The following NOSTRIN variants were observed in gnomAD, a reference collection of about 807,000 sequenced individuals.
NOSTRIN encodes BM247 homolog.
A neutral mutation model predicts 59.0 loss-of-function variants in NOSTRIN; 63 were observed. That is an observed-to-expected ratio of 1.07 (90% CI 0.87 to 1.32). The LOEUF (loss-of-function observed/expected upper bound fraction) is 1.32. NOSTRIN is among the 40% of genes most tolerant of loss of function. NOSTRIN has a pLI of 0.00. For missense variants in NOSTRIN, 512 were observed against 473.1 expected, an observed-to-expected ratio of 1.08 and a Z score of -0.76; for synonymous variants, 200 against 165.4, an observed-to-expected ratio of 1.21 and a Z score of -1.61.
chr2:168,819,489 T>C (rs1252788173), intron 2 of NOSTRIN, among the ~76,000 whole-genome samples: 1 of 152,204 alleles, frequency 6.6e-6, no homozygotes, highest in Admixed American at 6.5e-5. Flanking sequence ...GGAGCGATTC[T>C]CTCAGGGGAA....
intron 15 of NOSTRIN, 116 bp from the exon 16 acceptor site, chr2:168,864,718 G>T: frequency 8.2e-7 from 1 of 1,226,566 alleles, no homozygotes; most frequent in South Asian, 1.5e-5. Context: ...ATCAAGTGCA[G>T]AAAATGACAC....
chr2:168,836,138 C>T (rs978722871), intron 7 of NOSTRIN, among the ~76,000 whole-genome samples: 5 of 152,226 alleles, frequency 3.3e-5, no homozygotes, highest in African/African-American at 1.2e-4. Flanking sequence ...CTTTCCATGT[C>T]AGTCTTCACA....
At position 168,843,758 on chromosome 2, in the gene NOSTRIN, G is replaced by C. The variant is rs553704972; in HGVS notation, c.630+641G>C. Among the ~76,000 whole-genome samples the C allele has an allele frequency of 9.2e-5, 14 of 152,302 alleles. No homozygotes were observed. The South Asian group carries it at 2.9e-3, about 32-fold the overall frequency. ...AGGATGTTAGGAAACAAGAATTATTGTACCCCTGTAGGGGGAATAATTTAA... is the reference window on the plus strand; with the variant it reads ...AGGATGTTAGGAAACAAGAATTATTCTACCCCTGTAGGGGGAATAATTTAA... On this transcript the variant is annotated intron_variant, in intron 8 of 15. Transcript: ENST00000317647.
chr2:168,801,740 A>T (rs1444968162), upstream of NOSTRIN, among the ~76,000 whole-genome samples: 2 of 152,222 alleles, frequency 1.3e-5, no homozygotes. Context: ...TAGGCCATTC[A>T]TTGGAAATCT....
chr2:168,794,508 C>T (rs967057446), upstream of NOSTRIN, among the ~76,000 whole-genome samples: 17 of 152,014 alleles, frequency 1.1e-4, no homozygotes, highest in Non-Finnish European at 1.9e-4. Flanking sequence ...CCCGCCACCG[C>T]GCCTGGCTAA....
chr2:168,821,513 T>C (rs1451630019), intron 2 of NOSTRIN, among the ~76,000 whole-genome samples: 1 of 152,226 alleles, frequency 6.6e-6, no homozygotes, highest in Non-Finnish European at 1.5e-5. Context: ...GATATAGCAA[T>C]GAACAAAGCC....
At position 168,865,219 on chromosome 2, in the gene NOSTRIN, G is replaced by C. The variant is rs1228149541; in HGVS notation, c.*249G>C. On this transcript the variant is annotated 3_prime_UTR_variant, in exon 16 of 16. Coordinates refer to ENST00000317647, the MANE Select transcript of NOSTRIN (RefSeq NM_001039724.4). ...AGTTTCCAAATTCTAGGAGACCCTAGAGATGATCCAGTATAACCCCTGGTG... is the reference window on the plus strand; with the variant it reads ...AGTTTCCAAATTCTAGGAGACCCTACAGATGATCCAGTATAACCCCTGGTG... 2.2e-6 allele frequency: 1 copy of C among 449,046 alleles called. No individual in the cohort carries two copies. The highest frequency in any genetic ancestry group is 4.0e-6 in the Non-Finnish European group (1 of 251,122). The allele number at this position is 449,046 out of a possible 1,614,324, so 27.8% of individuals were successfully genotyped here. A position where few individuals can be genotyped will look rare whatever the true frequency, so the allele number is the denominator to read the frequency against.
intron 1 of NOSTRIN, among the ~76,000 whole-genome samples, chr2:168,810,540 C>G (rs1395422541): frequency 6.6e-6 from 1 of 152,128 alleles, no homozygotes; most frequent in Non-Finnish European, 1.5e-5. Context: ...AGGAGGCACT[C>G]AGTAAATGTG....
chr2:168,816,950 C>T (rs1686437300), intron 2 of NOSTRIN, among the ~76,000 whole-genome samples: 1 of 152,028 alleles, frequency 6.6e-6, no homozygotes. Context: ...GTGGGTATGT[C>T]AAAAACATTT....
At chr2:168,858,712 A>G (rs1226970816) in intron 12 of NOSTRIN, among the ~76,000 whole-genome samples, 1 of 152,212 alleles carries the variant, frequency 6.6e-6, no homozygotes, top group East Asian at 1.9e-4. Context: ...GACTTTCTCC[A>G]TCAATTGGAT....
rs903912024 is a variant in NOSTRIN at position 168,859,677 on chromosome 2, CCTG to C, written c.1179+44_1179+46del. On this transcript the variant is annotated intron_variant, in intron 13 of 15. Coordinates refer to ENST00000317647, the MANE Select transcript of NOSTRIN (RefSeq NM_001039724.4). ...GACTGGTTGTAATTTCTTGATTGGGCCTGCTGGGTGGAGTGGCTTAAAGTAGCA... is the reference window on the plus strand; with the variant it reads ...GACTGGTTGTAATTTCTTGATTGGGCCTGGGTGGAGTGGCTTAAAGTAGCA... 2.5e-6 allele frequency: 4 copies of C among 1,607,370 alleles called. No individual in the cohort carries two copies. In the African/African-American group the frequency reaches 5.4e-5, roughly 22 times the overall value.
upstream of NOSTRIN, among the ~76,000 whole-genome samples, chr2:168,800,524 T>C (rs1685584063): frequency 6.6e-6 from 1 of 152,098 alleles, no homozygotes; most frequent in South Asian, 2.1e-4. Flanking sequence ...AGGATTTTAA[T>C]TCAGCAGATG....
intron 11 of NOSTRIN, chr2:168,856,466 T>C (rs1323865155): frequency 5.7e-6 from 3 of 526,404 alleles, no homozygotes; most frequent in Non-Finnish European, 1.0e-5. Flanking sequence ...TCCCAGCTAC[T>C]CAAGAGGCTG....
chr2:168,838,788 T>C (rs995494655), intron 7 of NOSTRIN, among the ~76,000 whole-genome samples: 2 of 102,492 alleles, frequency 2.0e-5, no homozygotes, highest in South Asian at 4.2e-4. Context: ...TAAAAAAAAC[T>C]CTTTTTTTTT....
At chr2:168,789,203 A>G (rs997648409) in intron 2 of NOSTRIN, among the ~76,000 whole-genome samples, 1 of 152,246 alleles carries the variant, frequency 6.6e-6, no homozygotes, top group Non-Finnish European at 1.5e-5. Flanking sequence ...ACATAGAACC[A>G]ACTAAAATCT....
At position 168,851,194 on chromosome 2, in the gene NOSTRIN, T is replaced by A; in HGVS notation, c.729+12T>A. The A allele has an allele frequency of 6.2e-7, 1 of 1,614,214 alleles. No individual in the cohort carries two copies. Among genetic ancestry groups the A allele is most frequent in the Non-Finnish European group, 8.5e-7 (1 of 1,180,016 alleles). ...AAACCCTGACCACAGTGAGTAGAGA[T>A]GATCTCTCCATTTCTGGTATGCCTG... On this transcript the variant is annotated intron_variant, in intron 9 of 15. Coordinates refer to ENST00000317647, the MANE Select transcript of NOSTRIN (RefSeq NM_001039724.4).
chr2:168,865,266 A>C lies in NOSTRIN; in HGVS notation c.*296A>C, dbSNP rs1486870960. On this transcript the variant is annotated 3_prime_UTR_variant, in exon 16 of 16. Coordinates refer to ENST00000317647, the MANE Select transcript of NOSTRIN (RefSeq NM_001039724.4). ...GGTGTCACAGAAACAGACGGAGTCC[A>C]AGGTGGGTTCAGCTGCTTGCCTGAA... 3.7e-6 allele frequency: 1 copy of C among 270,760 alleles called. No homozygotes were observed. The highest frequency in any genetic ancestry group is 7.0e-6 in the Non-Finnish European group (1 of 142,922). 16.8% of individuals were successfully genotyped at this position (270,760 alleles called of 1,614,324 possible). A position where few individuals can be genotyped will look rare whatever the true frequency, so the allele number is the denominator to read the frequency against.
chr2:168,795,632 A>G (rs947605193), upstream of NOSTRIN, among the ~76,000 whole-genome samples: 1 of 152,238 alleles, frequency 6.6e-6, no homozygotes, highest in Non-Finnish European at 1.5e-5. Flanking sequence ...ATTAAACCCT[A>G]TTACACTGAC....
Position 168,831,430 on chromosome 2 carries a change from A to G in NOSTRIN, c.343-42A>G, listed in dbSNP as rs567136077. ...TTTAGTCTATTACAGCAACTAAACA[A>G]GAAGAAAGCAAAGCTTTGTTTCCTT... On this transcript the variant is annotated intron_variant, in intron 5 of 15. Coordinates refer to ENST00000317647, the MANE Select transcript of NOSTRIN (RefSeq NM_001039724.4). 175 of 849,782 alleles carry G rather than the reference A, an allele frequency of 2.1e-4. 1 individual carries two copies. In the South Asian group the frequency reaches 2.3e-3, roughly 11 times the overall value. 52.6% of individuals were successfully genotyped at this position (849,782 alleles called of 1,614,324 possible).
Sources: gnomAD v4.1 joint callset for allele counts (sites outside exome capture counted in the v4.1 genomes callset) on GRCh38, gnomAD v4.1.1 for gene constraint, MANE v1.5 for transcripts, NCBI Gene and HGNC (gene_info 2026-07-23, HGNC 2026-07-21) for gene names.